Variants in KRTAP27-1 observed in about 807,000 individuals in gnomAD.
KRTAP27-1 encodes keratin associated protein 27-1.
A neutral mutation model predicts 0.5 loss-of-function variants in KRTAP27-1; 1 was observed. That is an observed-to-expected ratio of 1.90 (90% CI 0.68 to 9.03). The LOEUF is 9.03. Ranked by LOEUF, KRTAP27-1 falls within the 30% of genes most tolerant of loss-of-function variation. KRTAP27-1 has a pLI of 0.13. For synonymous variants in KRTAP27-1, 103 were observed against 88.9 expected (o/e 1.16, Z -0.89); for missense variants, 264 against 244.2 (o/e 1.08, Z -0.54).
In KRTAP27-1 at chr21:30,337,198, T is replaced by G. The variant is rs777178661; in HGVS notation, c.471A>C (p.Ala157=). The G allele has an allele frequency of 2.5e-6, 4 of 1,614,166 alleles. No homozygotes were observed. Among genetic ancestry groups the G allele is most frequent in the Middle Eastern group, 1.6e-4 (1 of 6,062 alleles). The part of the protein sequence containing the change: ...KSKNFETLER[A]SSQCQCQSQN... ...GAGACTGACACTGACATTGGCTAGA[T>G]GCACGTTCCAGAGTTTCGAAATTTT... Residue 157 remains alanine, a synonymous_variant, in exon 1 of 1, where the codon GCA becomes GCC. Transcript: ENST00000382835.
In KRTAP27-1 at chr21:30,337,543, G is replaced by A. The variant is rs757809335; in HGVS notation, c.126C>T (p.Ser42=). Residue 42 remains serine, a synonymous_variant, in exon 1 of 1, where the codon AGC becomes AGT. Coordinates refer to ENST00000382835, the MANE Select transcript of KRTAP27-1 (RefSeq NM_001077711.1). ...DRLCLPSSFH[S]RTCFLDNFQE... ...GAAAGTTGTCCAGGAAACAGGTTCT[G>A]CTATGGAAGCTGCTGGGCAAACACA... 9 of 1,614,062 alleles carry A rather than the reference G, an allele frequency of 5.6e-6. No homozygotes were observed. Among genetic ancestry groups the A allele is most frequent in the Non-Finnish European group, 8.5e-7 (1 of 1,180,024 alleles).
chr21:30,337,076 A>G lies in KRTAP27-1; in HGVS notation c.593T>C (p.Val198Ala), dbSNP rs183027334. ...ACTAGGCAATTGAGAACCACCAGTA[A>G]CACAGCAAGTTGGTTCAACTCCTGG... ...SSPGVEPTCC[V>A]TGGSQLPSK The change falls in exon 1 of 1, where the codon GTT becomes GCT. Residue 198 changes from valine to alanine, a missense_variant. By Grantham distance (64) the Val-to-Ala change is moderately conservative. Coordinates refer to ENST00000382835, the MANE Select transcript of KRTAP27-1 (RefSeq NM_001077711.1). The G allele has an allele frequency of 3.7e-6, 6 of 1,609,042 alleles. No homozygotes were observed. The Admixed American group carries it at 6.7e-5, about 18-fold the overall frequency.
Position 30,337,458 on chromosome 21 carries a change from T to C in KRTAP27-1, c.211A>G (p.Thr71Ala). The change falls in exon 1 of 1, where the codon ACA (threonine) becomes GCA (alanine). Residue 71 changes from threonine (T) to alanine (A), a missense_variant. Thr to Ala is a moderately conservative substitution (Grantham distance 58). Coordinates refer to ENST00000382835, the MANE Select transcript of KRTAP27-1 (RefSeq NM_001077711.1). The stretch of plus-strand genomic sequence containing the variant: ...TTACTTTGCACACAGCTATCGTCTG[T>C]GAATAAGTCCTGTTCACAATTGGTC... The part of the protein sequence containing the change: ...QMTNCEQDLF[T>A]DDSCVQSNCF... 6.2e-7 allele frequency: 1 copy of C among 1,614,206 alleles called. No individual in the cohort carries two copies.
chr21:30,337,221 T>C lies in KRTAP27-1; in HGVS notation c.448A>G (p.Asn150Asp), dbSNP rs1982054653. ...GATGCACGTTCCAGAGTTTCGAAATTTTTAGACTTAGAAGTCTTGGGTGGG... is the reference window on the plus strand; with the variant it reads ...GATGCACGTTCCAGAGTTTCGAAATCTTTAGACTTAGAAGTCTTGGGTGGG... ...SCPPKTSKSK[N>D]FETLERASSQ... Residue 150 changes from asparagine (N) to aspartate (D), a missense_variant, in exon 1 of 1, where the codon AAT (asparagine) becomes GAT (aspartate). Coordinates refer to ENST00000382835, the MANE Select transcript of KRTAP27-1 (RefSeq NM_001077711.1). 6.2e-7 allele frequency: 1 copy of C among 1,613,914 alleles called. No individual in the cohort carries two copies. The highest frequency in any genetic ancestry group is 1.1e-5 in the South Asian group (1 of 91,082).
Position 30,337,066 on chromosome 21 carries a change from A to G in KRTAP27-1, c.603T>C (p.Gly201=), listed in dbSNP as rs139030117. Residue 201 remains glycine (G), a synonymous_variant, in exon 1 of 1, where the codon GGT becomes GGC. Transcript: ENST00000382835. ...GVEPTCCVTG[G]SQLPSK Reference sequence around the variant, plus strand: ...ATCTTCACTTACTAGGCAATTGAGAACCACCAGTAACACAGCAAGTTGGTT... The same window carrying G: ...ATCTTCACTTACTAGGCAATTGAGAGCCACCAGTAACACAGCAAGTTGGTT... The G allele has an allele frequency of 2.8e-5, 44 of 1,599,960 alleles. 1 individual carries two copies. The African/African-American group carries it at 3.8e-4, about 14-fold the overall frequency.
In KRTAP27-1 at chr21:30,337,627, ATTG is replaced by A; in HGVS notation, c.39_41del (p.Asn14del). 1 of 1,613,968 alleles carries A rather than the reference ATTG, an allele frequency of 6.2e-7. No homozygotes were observed. On this transcript the variant is annotated inframe_deletion, in exon 1 of 1. Transcript: ENST00000382835. ...GTGTGATGGCAGAGAGTGGTGGGGC[ATTG>A]TGGAAGCTCCTGAGTGAATGGCAGT...
In KRTAP27-1 at chr21:30,337,609, G is replaced by A. The variant is rs775643653; in HGVS notation, c.60C>T (p.Ala20=). The part of the protein sequence containing the change: ...RSFHNAPPLS[A]ITHGTNPITF... ...TTATAGGATTAGTGCCATGTGTGAT[G>A]GCAGAGAGTGGTGGGGCATTGTGGA... The change falls in exon 1 of 1, where the codon GCC becomes GCT. Residue 20 remains alanine, a synonymous_variant. Transcript: ENST00000382835. 2.2e-5 allele frequency: 36 copies of A among 1,614,032 alleles called. No individual in the cohort carries two copies. The highest frequency in any genetic ancestry group is 2.5e-6 in the Non-Finnish European group (3 of 1,180,010).
chr21:30,337,248 A>G lies in KRTAP27-1; in HGVS notation c.421T>C (p.Cys141Arg), dbSNP rs770609791. The G allele has an allele frequency of 3.2e-5, 52 of 1,614,180 alleles. No individual in the cohort carries two copies. Among genetic ancestry groups the G allele is most frequent in the Non-Finnish European group, 4.2e-5 (49 of 1,179,994 alleles). The part of the protein sequence containing the change: ...CQPASLKGNS[C>R]PPKTSKSKNF... Reference sequence around the variant, plus strand: ...TTAGACTTAGAAGTCTTGGGTGGGCAACTGTTTCCCTTGAGGCTTGCAGGT... The same window carrying G: ...TTAGACTTAGAAGTCTTGGGTGGGCGACTGTTTCCCTTGAGGCTTGCAGGT... The change falls in exon 1 of 1, where the codon TGC becomes CGC. Residue 141 changes from cysteine to arginine, a missense_variant. Cys to Arg is a radical substitution (Grantham distance 180). Transcript: ENST00000382835.
chr21:30,337,170 T>C lies in KRTAP27-1; in HGVS notation c.499A>G (p.Asn167Asp), dbSNP rs557543454. ...GGTCTACAGGAACTGGATTCAGGGT[T>C]CTGAGACTGACACTGACATTGGCTA... is the stretch of plus-strand genomic sequence containing the variant. ...ASSQCQCQSQ[N>D]PESSSCRPLV... is the part of the protein sequence containing the mutation. Residue 167 changes from asparagine to aspartate, a missense_variant, in exon 1 of 1, where the codon AAC becomes GAC. By Grantham distance (23) the Asn-to-Asp change is conservative. Transcript: ENST00000382835. 2 of 1,614,136 alleles carry C rather than the reference T, an allele frequency of 1.2e-6. No homozygotes were observed. Among genetic ancestry groups the C allele is most frequent in the Admixed American group, 1.7e-5 (1 of 60,026 alleles).
At position 30,337,357 on chromosome 21, in the gene KRTAP27-1, A is replaced by G. The variant is rs1326515093; in HGVS notation, c.312T>C (p.Ser104=). ...PCERTACQSE[S]SSAGLACVSQ... ...AAACACAAGCCAGCCCTGCTGAAGA[A>G]CTTTCTGATTGGCACGCTGTCCTTT... Residue 104 remains serine, a synonymous_variant, in exon 1 of 1, where the codon AGT becomes AGC. Transcript: ENST00000382835. 2.5e-6 allele frequency: 4 copies of G among 1,614,042 alleles called. No homozygotes were observed. The highest frequency in any genetic ancestry group is 3.4e-6 in the Non-Finnish European group (4 of 1,179,886).
Position 30,337,670 on chromosome 21 carries a change from T to C in KRTAP27-1, c.-2A>G. ...TGAATGGCAGTGGCTATGAGGCATA[T>C]TGCTAAAAATCCTTAAAGATGGTCA... On this transcript the variant is annotated 5_prime_UTR_variant, in exon 1 of 1. Transcript: ENST00000382835. 2 of 1,607,666 alleles carry C rather than the reference T, an allele frequency of 1.2e-6. No individual in the cohort carries two copies. The highest frequency in any genetic ancestry group is 2.2e-5 in the South Asian group (2 of 90,928).
At position 30,337,476 on chromosome 21, in the gene KRTAP27-1, A is replaced by T; in HGVS notation, c.193T>A (p.Cys65Ser). 2 of 1,614,218 alleles carry T rather than the reference A, an allele frequency of 1.2e-6. No homozygotes were observed. Among genetic ancestry groups the T allele is most frequent in the Non-Finnish European group, 8.5e-7 (1 of 1,180,036 alleles). Residue 65 changes from cysteine to serine, a missense_variant, in exon 1 of 1, where the codon TGT becomes AGT. Cys to Ser is a moderately radical substitution (Grantham distance 112). Transcript: ENST00000382835. ...TCGTCTGTGAATAAGTCCTGTTCAC[A>T]ATTGGTCATTTGGCAGCTGGTGGTT... ...NETTSCQMTN[C>S]EQDLFTDDSC...
Position 30,337,556 on chromosome 21 carries a change from C to A in KRTAP27-1, c.113G>T (p.Ser38Ile). 6.2e-7 allele frequency: 1 copy of A among 1,614,154 alleles called. No homozygotes were observed. The highest frequency in any genetic ancestry group is 8.5e-7 in the Non-Finnish European group (1 of 1,180,020). ...ITFEDRLCLP[S>I]SFHSRTCFLD... ...GAAACAGGTTCTGCTATGGAAGCTG[C>A]TGGGCAAACACAATCTGTCTTCAAA... Residue 38 changes from serine to isoleucine, a missense_variant, in exon 1 of 1, where the codon AGC (serine) becomes ATC (isoleucine). Ser to Ile is a moderately radical substitution (Grantham distance 142). Coordinates refer to ENST00000382835, the MANE Select transcript of KRTAP27-1 (RefSeq NM_001077711.1).
Position 30,337,040 on chromosome 21 carries a change from G to T in KRTAP27-1, c.*5C>A, listed in dbSNP as rs151115610. On this transcript the variant is annotated 3_prime_UTR_variant, in exon 1 of 1. Transcript: ENST00000382835. ...GAGAATATAAGCCATCTCCCCTACA[G>T]ATCTTCACTTACTAGGCAATTGAGA... 4.5e-4 allele frequency: 718 copies of T among 1,579,962 alleles called. 5 individuals carry two copies. In the African/African-American group the frequency reaches 9.1e-3, roughly 20 times the overall value.
Position 30,337,070 on chromosome 21 carries a change from C to T in KRTAP27-1, c.599G>A (p.Gly200Asp). The change falls in exon 1 of 1, where the codon GGT (glycine) becomes GAT (aspartate). Residue 200 changes from glycine (G) to aspartate (D), a missense_variant. Gly to Asp is a moderately conservative substitution (Grantham distance 94). Transcript: ENST00000382835. ...PGVEPTCCVT[G>D]GSQLPSK is the part of the protein sequence containing the mutation. ...TCACTTACTAGGCAATTGAGAACCA[C>T]CAGTAACACAGCAAGTTGGTTCAAC... The T allele has an allele frequency of 6.2e-7, 1 of 1,608,134 alleles. No homozygotes were observed. Among genetic ancestry groups the T allele is most frequent in the Non-Finnish European group, 8.5e-7 (1 of 1,175,602 alleles).
Position 30,337,689 on chromosome 21 carries a change from A to G in KRTAP27-1, c.-21T>C, listed in dbSNP as rs1409866823. ...GGCATATTGCTAAAAATCCTTAAAGATGGTCATAAGGACTCAACATGCTGA... is the reference window on the plus strand; with the variant it reads ...GGCATATTGCTAAAAATCCTTAAAGGTGGTCATAAGGACTCAACATGCTGA... On this transcript the variant is annotated 5_prime_UTR_variant, in exon 1 of 1. Coordinates refer to ENST00000382835, the MANE Select transcript of KRTAP27-1 (RefSeq NM_001077711.1). The G allele has an allele frequency of 6.9e-6, 11 of 1,603,184 alleles. No individual in the cohort carries two copies. Among genetic ancestry groups the G allele is most frequent in the African/African-American group, 1.3e-5 (1 of 74,612 alleles).
rs1461655362 is a variant in KRTAP27-1 at position 30,337,598 on chromosome 21, C to T, written c.71G>A (p.Gly24Asp). The change falls in exon 1 of 1, where the codon GGC becomes GAC. Residue 24 changes from glycine (G) to aspartate (D), a missense_variant. Coordinates refer to ENST00000382835, the MANE Select transcript of KRTAP27-1 (RefSeq NM_001077711.1). The part of the protein sequence containing the change: ...NAPPLSAITH[G>D]TNPITFEDRL... ...GTCTTCAAAGGTTATAGGATTAGTG[C>T]CATGTGTGATGGCAGAGAGTGGTGG... 1 of 1,614,088 alleles carries T rather than the reference C, an allele frequency of 6.2e-7. No individual in the cohort carries two copies. Among genetic ancestry groups the T allele is most frequent in the Non-Finnish European group, 8.5e-7 (1 of 1,180,006 alleles).
Position 30,337,595 on chromosome 21 carries a change from G to A in KRTAP27-1, c.74C>T (p.Thr25Ile), listed in dbSNP as rs866174239. ...APPLSAITHG[T>I]NPITFEDRLC... ...TCTGTCTTCAAAGGTTATAGGATTA[G>A]TGCCATGTGTGATGGCAGAGAGTGG... Residue 25 changes from threonine to isoleucine, a missense_variant, in exon 1 of 1, where the codon ACT (threonine) becomes ATT (isoleucine). Coordinates refer to ENST00000382835, the MANE Select transcript of KRTAP27-1 (RefSeq NM_001077711.1). 1.2e-6 allele frequency: 2 copies of A among 1,614,104 alleles called. No individual in the cohort carries two copies. The highest frequency in any genetic ancestry group is 2.2e-5 in the East Asian group (1 of 44,874).
Position 30,337,456 on chromosome 21 carries a change from T to C in KRTAP27-1, c.213A>G (p.Thr71=), listed in dbSNP as rs1353155061. The change falls in exon 1 of 1, where the codon ACA becomes ACG. Residue 71 remains threonine, a synonymous_variant. Transcript: ENST00000382835. The part of the protein sequence containing the change: ...QMTNCEQDLF[T]DDSCVQSNCF... ...AGTTACTTTGCACACAGCTATCGTC[T>C]GTGAATAAGTCCTGTTCACAATTGG... The C allele has an allele frequency of 6.2e-7, 1 of 1,614,064 alleles. No homozygotes were observed. Among genetic ancestry groups the C allele is most frequent in the African/African-American group, 1.3e-5 (1 of 74,932 alleles).
Sources: gnomAD v4.1 joint callset for allele counts on GRCh38, gnomAD v4.1.1 for gene constraint, MANE v1.5 for transcripts, NCBI Gene and HGNC (gene_info 2026-07-23, HGNC 2026-07-21) for gene names.